GLI2: variants seen among roughly 807,000 people sequenced by gnomAD.
GLI2 encodes transcription activator GLI2.
GLI2 carries 22 observed loss-of-function variants against 78.9 expected under a neutral mutation model. That is an observed-to-expected ratio of 0.28 (90% CI 0.20 to 0.40). The LOEUF is 0.40. Ranked by LOEUF, GLI2 falls within the 10% of genes least tolerant of loss-of-function variation. GLI2 has a pLI of 1.00. For synonymous variants in GLI2, 974 were observed against 963.7 expected (o/e 1.01, Z -0.20); for missense variants, 2,097 against 2,213.2 (o/e 0.95, Z 1.05).
At chr2:120,947,933 G>A (rs1680791709) in intron 3 of GLI2, among the ~76,000 whole-genome samples, 3 of 152,322 alleles carry the variant, frequency 2.0e-5, no homozygotes, top group Non-Finnish European at 4.4e-5. Flanking sequence ...AAGAGCAAGG[G>A]TTGCTCCGTA....
chr2:120,959,174 G>T (rs561923147), intron 5 of GLI2, among the ~76,000 whole-genome samples: 39 of 152,258 alleles, frequency 2.6e-4, no homozygotes, highest in African/African-American at 9.4e-4. Flanking sequence ...AGCAGTGGGC[G>T]CGAGAGCTCC....
At chr2:120,780,903 C>G (rs1279333457) in intron 1 of GLI2, among the ~76,000 whole-genome samples, 1 of 152,196 alleles carries the variant, frequency 6.6e-6, no homozygotes, top group Non-Finnish European at 1.5e-5. Context: ...TGACCCCACC[C>G]CACCTCTGTC....
At chr2:120,852,892 T>A (rs1687478497) in intron 2 of GLI2, among the ~76,000 whole-genome samples, 1 of 152,142 alleles carries the variant, frequency 6.6e-6, no homozygotes, top group Non-Finnish European at 1.5e-5. Context: ...GAGGGTCAGG[T>A]GCTGTCCACC....
intron 1 of GLI2, among the ~76,000 whole-genome samples, chr2:120,749,180 G>A (rs1682787994): frequency 6.6e-6 from 1 of 152,052 alleles, no homozygotes; most frequent in Non-Finnish European, 1.5e-5. Flanking sequence ...CTGTTTATTT[G>A]TGCTTAACAC....
At chr2:120,888,767 G>A (rs1398316153) in intron 2 of GLI2, among the ~76,000 whole-genome samples, 6 of 152,176 alleles carry the variant, frequency 3.9e-5, no homozygotes, top group African/African-American at 9.7e-5. Context: ...ATTCAGGGTC[G>A]CTGCTTGCAT....
At chr2:120,798,366 C>T (rs1684515221) in intron 2 of GLI2, among the ~76,000 whole-genome samples, 1 of 152,182 alleles carries the variant, frequency 6.6e-6, no homozygotes, top group East Asian at 1.9e-4. Context: ...TGAGTTTCTG[C>T]ATTTCTGTTG....
chr2:120,748,848 G>T (rs1047731957), intron 1 of GLI2, among the ~76,000 whole-genome samples: 1 of 141,252 alleles, frequency 7.1e-6, no homozygotes, highest in African/African-American at 2.8e-5. Context: ...TAGTGATCTT[G>T]CATTCTCCAT....
intron 5 of GLI2, among the ~76,000 whole-genome samples, chr2:120,964,813 G>A (rs759615393): frequency 2.4e-4 from 36 of 152,368 alleles, no homozygotes; most frequent in African/African-American, 6.3e-4. Context: ...CGGGACGTCC[G>A]CCTGGCCCTG....
chr2:120,952,673 G>A (rs1454709805), intron 4 of GLI2, among the ~76,000 whole-genome samples: 2 of 152,232 alleles, frequency 1.3e-5, no homozygotes, highest in African/African-American at 4.8e-5. Context: ...ATTCTGAAAT[G>A]GCCCCTCAAG....
At chr2:120,960,386 A>G (rs1340086861) in intron 5 of GLI2, among the ~76,000 whole-genome samples, 1 of 147,434 alleles carries the variant, frequency 6.8e-6, no homozygotes, top group Admixed American at 6.7e-5. Context: ...GAGGGCGAGC[A>G]GGGAGAGGTG....
chr2:120,776,261 T>G (rs746884868), intron 1 of GLI2, among the ~76,000 whole-genome samples: 23 of 152,086 alleles, frequency 1.5e-4, no homozygotes, highest in Non-Finnish European at 2.8e-4. Flanking sequence ...AAACTGAGGG[T>G]CAGAGAGGTT....
intron 3 of GLI2, among the ~76,000 whole-genome samples, chr2:120,947,161 C>G (rs552763497): frequency 1.0e-3 from 152 of 152,278 alleles, no homozygotes; most frequent in Non-Finnish European, 1.4e-3. Flanking sequence ...CTGTCCACAC[C>G]CTGAGCCCTG....
Position 120,793,990 on chromosome 2 carries a change from A to G in GLI2, c.-30-3301A>G, listed in dbSNP as rs966587090. On this transcript the variant is annotated intron_variant, in intron 1 of 13. Transcript: ENST00000361492. ...GCTGAAGTGAATAGGTGGGGTTGCC[A>G]TGAGGAAGCCGCAGCTGCTGTGTTT... 3.3e-5 allele frequency among the ~76,000 whole-genome samples: 5 copies of G among 152,314 alleles called. 1 individual carries two copies. In the South Asian group the frequency reaches 8.3e-4, roughly 25 times the overall value.
intron 2 of GLI2, among the ~76,000 whole-genome samples, chr2:120,913,343 A>G (rs190195724): frequency 2.4e-4 from 36 of 152,362 alleles, no homozygotes; most frequent in Admixed American, 5.2e-4. Flanking sequence ...GTAGGAATAA[A>G]AGCATGTAAC....
intron 1 of GLI2, among the ~76,000 whole-genome samples, chr2:120,791,536 C>G (rs1048990427): frequency 1.3e-5 from 2 of 152,184 alleles, no homozygotes; most frequent in African/African-American, 2.4e-5. Context: ...GCTCTTCACT[C>G]TGGGAAATTT....
chr2:120,786,307 G>T (rs1683995311), intron 1 of GLI2, among the ~76,000 whole-genome samples: 1 of 152,186 alleles, frequency 6.6e-6, no homozygotes, highest in African/African-American at 2.4e-5. Flanking sequence ...GAGACTTGGT[G>T]TCGGTTGGAT....
Position 120,988,762 on chromosome 2 carries a change from C to T in GLI2, c.2797C>T (p.His933Tyr), listed in dbSNP as rs1421082927. 21 of 1,256,396 alleles carry T rather than the reference C, an allele frequency of 1.7e-5. No individual in the cohort carries two copies. Among genetic ancestry groups the T allele is most frequent in the Non-Finnish European group, 2.1e-5 (21 of 999,678 alleles). The allele number at this position is 1,256,396 out of a possible 1,614,324, so 77.8% of individuals were successfully genotyped here. The change falls in exon 14 of 14, where the codon CAC (histidine) becomes TAC (tyrosine). Residue 933 changes from histidine (H) to tyrosine (Y), a missense_variant. His to Tyr is a moderately conservative substitution (Grantham distance 83, BLOSUM62 2). Around this residue, in one of 5 missense-constraint regions of GLI2, gnomAD observed 1,290 missense variants for 1,261.7 expected, o/e 1.02. Transcript: ENST00000361492. ...CGACGGGCCGACCTATGGCCACGGC[C>T]ACGCGGGGGCTGCGCCCGCCTTCCC... ...GSDGPTYGHG[H>Y]AGAAPAFPHE...
chr2:120,756,054 G>T (rs557241424), intron 1 of GLI2, among the ~76,000 whole-genome samples: 2 of 152,018 alleles, frequency 1.3e-5, no homozygotes, highest in Non-Finnish European at 2.9e-5. Context: ...TGCATTCTAG[G>T]TCCTTTGCAT....
At chr2:120,849,094 C>T (rs1239192610) in intron 2 of GLI2, among the ~76,000 whole-genome samples, 1 of 152,176 alleles carries the variant, frequency 6.6e-6, no homozygotes, top group Non-Finnish European at 1.5e-5. Flanking sequence ...GAGGACACGT[C>T]CTCATGATTC....
Sources: gnomAD v4.1 joint callset for allele counts (sites outside exome capture counted in the v4.1 genomes callset) on GRCh38, gnomAD v4.1.1 for gene constraint, gnomAD v4.1.1 regional missense constraint, MANE v1.5 for transcripts, NCBI Gene and HGNC (gene_info 2026-07-23, HGNC 2026-07-21) for gene names.